Variants in INPP5D observed in about 807,000 individuals in gnomAD.
The protein encoded by INPP5D is inositol polyphosphate-5-phosphatase D.
In INPP5D, 33 loss-of-function variants were observed where a neutral mutation model predicts 122.9. The observed-to-expected ratio is 0.27, with a 90% confidence interval of 0.20 to 0.36. The LOEUF (loss-of-function observed/expected upper bound fraction) is 0.36. Among genes scored for constraint, INPP5D ranks in the 10% least tolerant of loss-of-function variants. INPP5D has a pLI of 1.00. For synonymous variants in INPP5D, 584 were observed against 576.2 expected (o/e 1.01, Z -0.19); for missense variants, 1,053 against 1,412.7 (o/e 0.75, Z 4.08).
intron 17 of INPP5D, among the ~76,000 whole-genome samples, chr2:233,171,525 A>C (rs1442415053): frequency 6.6e-6 from 1 of 152,194 alleles, no homozygotes; most frequent in Non-Finnish European, 1.5e-5. Flanking sequence ...GACTTATCAG[A>C]GCTTTTATGG....
intron 1 of INPP5D, among the ~76,000 whole-genome samples, chr2:233,070,795 A>G (rs1191094981): frequency 6.6e-6 from 1 of 152,186 alleles, no homozygotes; most frequent in Non-Finnish European, 1.5e-5. Flanking sequence ...TTCGAAAACC[A>G]GTGCTAAGAA....
At position 233,177,365 on chromosome 2, in the gene INPP5D, GA is replaced by G. The variant is rs1694665746; in HGVS notation, c.2071+22del. On this transcript the variant is annotated intron_variant, in intron 18 of 26. Transcript: ENST00000445964. The surrounding 1 kb of genome is among the most constrained non-coding windows in gnomAD (Gnocchi z 4.2). Reference sequence around the variant, plus strand: ...TCTTATGGTGAGTTCAAACACTGGGGAAAGCAGAACAGGATCAGAGAATGGC... The same window carrying G: ...TCTTATGGTGAGTTCAAACACTGGGGAAGCAGAACAGGATCAGAGAATGGC... The G allele has an allele frequency of 6.2e-7, 1 of 1,613,586 alleles. No homozygotes were observed.
Position 233,197,852 on chromosome 2 carries a change from T to C in INPP5D, c.2694-243T>C, listed in dbSNP as rs893809029. 1.3e-5 allele frequency among the ~76,000 whole-genome samples: 2 copies of C among 152,218 alleles called. No individual in the cohort carries two copies. The highest frequency in any genetic ancestry group is 2.9e-5 in the Non-Finnish European group (2 of 68,038). ...GTGAGTTCCATAAGAACAGAGACCA[T>C]GGCTGCCTCACTCACAGCCATATTC... On this transcript the variant is annotated intron_variant, in intron 24 of 26. Transcript: ENST00000445964. This position sits in a 1 kb window ranked among gnomAD's most constrained non-coding sequence, Gnocchi z 4.4.
intron 2 of INPP5D, among the ~76,000 whole-genome samples, chr2:233,108,721 C>T (rs1431935580): frequency 1.3e-5 from 2 of 152,190 alleles, no homozygotes; most frequent in Admixed American, 6.5e-5. Flanking sequence ...GAGATGCCCT[C>T]AAAGAGCCCC....
intron 1 of INPP5D, among the ~76,000 whole-genome samples, chr2:233,063,229 A>G (rs1275044967): frequency 6.6e-6 from 1 of 152,194 alleles, no homozygotes; most frequent in Non-Finnish European, 1.5e-5. Flanking sequence ...TGACTGCAGA[A>G]GGAAGCCACA....
rs1045791912 is a variant in INPP5D at position 233,130,584 on chromosome 2, A to G, written c.601A>G (p.Thr201Ala). ...QLAQDSEFVK[T>A]GSSSLPHLKK... is the part of the protein sequence containing the mutation. ...CGCCCAGGACTCTGAATTTGTGAAG[A>G]CAGGGTCCAGCAGTCTTCCTCACCT... Residue 201 changes from threonine to alanine, a missense_variant, in exon 5 of 27, where the codon ACA (threonine) becomes GCA (alanine). Physicochemically the swap from Thr to Ala is moderately conservative, Grantham distance 58. This residue lies in a region of INPP5D where 196 missense variants were observed against 175.6 expected (regional missense o/e 1.12). Transcript: ENST00000445964. 4.3e-6 allele frequency: 7 copies of G among 1,613,968 alleles called. No homozygotes were observed. Among genetic ancestry groups the G allele is most frequent in the Non-Finnish European group, 5.9e-6 (7 of 1,179,882 alleles).
At chr2:233,140,159 T>A (rs1252230147) in intron 6 of INPP5D, 4 of 326,574 alleles carry the variant, frequency 1.2e-5, no homozygotes, top group African/African-American at 2.1e-5. Flanking sequence ...TTTCAAATTA[T>A]GCACTCATCA....
At chr2:233,142,902 G>A (rs1038622594) in intron 6 of INPP5D, among the ~76,000 whole-genome samples, 2 of 152,112 alleles carry the variant, frequency 1.3e-5, no homozygotes, top group Admixed American at 1.3e-4. Flanking sequence ...TGCACTCTAG[G>A]AGTCCTCCAC....
At chr2:233,092,949 G>A (rs55771397) in intron 2 of INPP5D, among the ~76,000 whole-genome samples, 95 of 150,890 alleles carry the variant, frequency 6.3e-4, no homozygotes, top group African/African-American at 2.1e-3. Context: ...GTAGATTTCC[G>A]CTGGATGAAA....
At chr2:233,079,530 T>A in intron 2 of INPP5D, 132 bp downstream of exon 2, 1 of 671,264 alleles carries the variant, frequency 1.5e-6, no homozygotes, top group Non-Finnish European at 2.7e-6. Flanking sequence ...CCTGGCTTCC[T>A]CCCAGGTGTC....
rs1693799433 is a variant in INPP5D, at chr2:233,147,566, T to C, written c.1002T>C (p.Ser334=). 5.7e-6 allele frequency: 4 copies of C among 704,198 alleles called. No homozygotes were observed. The highest frequency in any genetic ancestry group is 1.7e-5 in the African/African-American group (1 of 57,274). The allele number at this position is 704,198 out of a possible 1,614,324, so 43.6% of individuals were successfully genotyped here. A position where few individuals can be genotyped will look rare whatever the true frequency, so the allele number is the denominator to read the frequency against. The part of the protein sequence containing the change: ...KLIIKKSKDG[S]EDKFYSHKKI... ...TCATTAAGAAGTCCAAGGATGGTTC[T>C]GAGGACAAGTTCTACAGCCACAAGA... The change falls in exon 9 of 27, where the codon TCT becomes TCC. Residue 334 remains serine, a synonymous_variant. Coordinates refer to ENST00000445964, the MANE Select transcript of INPP5D (RefSeq NM_001017915.3).
intron 5 of INPP5D, among the ~76,000 whole-genome samples, chr2:233,136,587 A>G (rs1281411472): frequency 6.6e-6 from 1 of 152,162 alleles, no homozygotes; most frequent in Admixed American, 6.6e-5. Context: ...TGTTTCCAGG[A>G]CCCAGCAAAG....
At chr2:233,163,924 T>C (rs1216195465) in intron 12 of INPP5D, 21 bp downstream of exon 12, 4 of 1,611,068 alleles carry the variant, frequency 2.5e-6, no homozygotes, top group Non-Finnish European at 3.4e-6. Context: ...GGCTGCACGC[T>C]GGGTGGGCTT....
chr2:233,101,100 A>T (rs572308983), intron 2 of INPP5D, among the ~76,000 whole-genome samples: 1 of 152,288 alleles, frequency 6.6e-6, no homozygotes, highest in South Asian at 2.1e-4. Flanking sequence ...GTCTCTGGGG[A>T]CTGAAGGGAT....
intron 5 of INPP5D, among the ~76,000 whole-genome samples, chr2:233,134,326 G>C (rs200539397): frequency 5.7e-4 from 87 of 152,190 alleles, no homozygotes; most frequent in Admixed American, 2.0e-4. Flanking sequence ...ACTGAAAGCT[G>C]GGGGTAAGGT....
rs1473781813 is a variant in INPP5D, at chr2:233,128,980, A to G, written c.525-1528A>G. On this transcript the variant is annotated intron_variant, in intron 4 of 26. Coordinates refer to ENST00000445964, the MANE Select transcript of INPP5D (RefSeq NM_001017915.3). The surrounding 1 kb of genome is among the most constrained non-coding windows in gnomAD (Gnocchi z 4.5). The stretch of plus-strand genomic sequence containing the variant: ...GGATCACCTGAGGTCAGCCTGGCCA[A>G]CATGGTAAAACTCCACCTCTACTAA... Among the ~76,000 whole-genome samples, 1 of 152,120 alleles carries G rather than the reference A, an allele frequency of 6.6e-6. No individual in the cohort carries two copies. The highest frequency in any genetic ancestry group is 1.5e-5 in the Non-Finnish European group (1 of 68,026).
chr2:233,131,771 G>A (rs183731723), intron 5 of INPP5D, among the ~76,000 whole-genome samples: 3 of 152,158 alleles, frequency 2.0e-5, no homozygotes, highest in Non-Finnish European at 4.4e-5. Context: ...TACTGGCAAC[G>A]GTTTTGTAGT....
chr2:233,118,773 G>T (rs1692878493), intron 2 of INPP5D, among the ~76,000 whole-genome samples: 2 of 152,246 alleles, frequency 1.3e-5, no homozygotes, highest in Non-Finnish European at 2.9e-5. Flanking sequence ...GGGGAGAGGT[G>T]GAGGAAGGCT....
chr2:233,138,357 T>A lies in INPP5D; in HGVS notation c.666-1485T>A, dbSNP rs138609112. On this transcript the variant is annotated intron_variant, in intron 5 of 26. Transcript: ENST00000445964. ...AATATGTAAAGTTTATAACACTATA[T>A]AAAAATATGAACAAAATTCCCAACA... is the stretch of plus-strand genomic sequence containing the variant. Among the ~76,000 whole-genome samples, 275 of 135,472 alleles carry A rather than the reference T, an allele frequency of 2.0e-3. 1 individual carries two copies. The highest frequency in any genetic ancestry group is 7.5e-3 in the African/African-American group (268 of 35,710). The allele number at this position is 135,472 out of a possible 152,430, so 88.9% of individuals were successfully genotyped here. A position where few individuals can be genotyped will look rare whatever the true frequency, so the allele number is the denominator to read the frequency against.
Sources: gnomAD v4.1 joint callset for allele counts (sites outside exome capture counted in the v4.1 genomes callset) on GRCh38, gnomAD v4.1.1 for gene constraint, gnomAD v4.1.1 regional missense constraint, Gnocchi (gnomAD v3.1) non-coding constraint, MANE v1.5 for transcripts, NCBI Gene and HGNC (gene_info 2026-07-23, HGNC 2026-07-21) for gene names.